Variants in NDUFS8 observed in about 807,000 individuals in gnomAD.
NDUFS8 encodes NADH dehydrogenase [ubiquinone] iron-sulfur protein 8, mitochondrial.
NDUFS8 carries 13 observed loss-of-function variants against 25.6 expected under a neutral mutation model. The observed-to-expected ratio is 0.51, with a 90% CI of 0.33 to 0.81. NDUFS8 has a LOEUF of 0.81. Ranked by LOEUF, NDUFS8 falls within the 30% of genes least tolerant of loss-of-function variation. The pLI is 0.02. For synonymous variants in NDUFS8, 119 were observed against 119.4 expected, an observed-to-expected ratio of 1.00 and a Z score of 0.02; for missense variants, 257 against 300.9, an observed-to-expected ratio of 0.85 and a Z score of 1.08.
At chr11:68,035,655 A>G (rs754166216) in intron 5 of NDUFS8, 1 of 455,220 alleles carries the variant, frequency 2.2e-6, no homozygotes, top group South Asian at 1.6e-5. Context: ...AGCGGGTGCT[A>G]CACTGAACAA....
chr11:68,033,690 C>T (rs888490616), intron 5 of NDUFS8: 72 of 308,146 alleles, frequency 2.3e-4, no homozygotes, highest in Non-Finnish European at 4.1e-4. Context: ...CCCGGCTTTC[C>T]GTTCTCTTAG....
chr11:68,036,636 C>T lies in NDUFS8; in HGVS notation c.*43C>T, dbSNP rs1259188480. 2 of 1,611,578 alleles carry T rather than the reference C, an allele frequency of 1.2e-6. No homozygotes were observed. The highest frequency in any genetic ancestry group is 1.7e-6 in the Non-Finnish European group (2 of 1,179,710). ...GCCCCTGCTGCCCAATAAAACCACT[C>T]CGACCCCACGGCCTCTTGTCTTGAC... On this transcript the variant is annotated 3_prime_UTR_variant, in exon 7 of 7. Transcript: ENST00000313468.
chr11:68,031,712 T>C, intron 1 of NDUFS8: 1 of 316,596 alleles, frequency 3.2e-6, no homozygotes, highest in Non-Finnish European at 6.2e-6. Context: ...GGAGTCCTTG[T>C]AAGGATAGGA....
chr11:68,033,011 A>C lies in NDUFS8; in HGVS notation c.198A>C (p.Arg66=). The C allele has an allele frequency of 1.2e-6, 2 of 1,613,652 alleles. No individual in the cohort carries two copies. Among genetic ancestry groups the C allele is most frequent in the Non-Finnish European group, 1.7e-6 (2 of 1,179,964 alleles). Residue 66 remains arginine (R), a splice_region_variant and synonymous_variant, in exon 4 of 7, where the codon CGA becomes CGC. Transcript: ENST00000313468. The part of the protein sequence containing the change: ...ARTLLWTELF[R]GLGMTLSYLF... ...CCCTGCTGTGGACTGAGCTCTTCCG[A>C]GGTGCGTCCTGGGCATGAGGGGACA... is the stretch of plus-strand genomic sequence containing the variant.
In NDUFS8 at chr11:68,030,898, T is replaced by G. The variant is rs1297639166; in HGVS notation, c.-1+165T>G. 5 of 446,490 alleles carry G rather than the reference T, an allele frequency of 1.1e-5. 1 individual carries two copies. Among genetic ancestry groups the G allele is most frequent in the African/African-American group, 8.1e-5 (4 of 49,150 alleles). The allele number at this position is 446,490 out of a possible 1,614,324, so 27.7% of individuals were successfully genotyped here. The stretch of plus-strand genomic sequence containing the variant: ...TTCAGGTGCAGCGGGGAGCCGGCTC[T>G]CAGGGCGCATGCGCCGCCCGCTCTG... On this transcript the variant is annotated intron_variant, in intron 1 of 6. Coordinates refer to ENST00000313468, the MANE Select transcript of NDUFS8 (RefSeq NM_002496.4).
At position 68,030,722 on chromosome 11, in the gene NDUFS8, C is replaced by A; in HGVS notation, c.-12C>A. 3.0e-6 allele frequency: 1 copy of A among 332,520 alleles called. No individual in the cohort carries two copies. The allele number at this position is 332,520 out of a possible 1,614,324, so 20.6% of individuals were successfully genotyped here. ...GCCTGCTTGGCAAGGCAAGTAGCGG[C>A]GGCGCTTCAAGGTGGGTGTTCACGT... On this transcript the variant is annotated 5_prime_UTR_variant, in exon 1 of 7. Transcript: ENST00000313468.
chr11:68,032,670 C>A, intron 3 of NDUFS8: 2 of 870,926 alleles, frequency 2.3e-6, no homozygotes, highest in South Asian at 1.7e-5. Flanking sequence ...CTCTTTCAAG[C>A]CCTGTTGGGC....
At chr11:68,036,010 T>G (rs1291173266) in intron 5 of NDUFS8, 5 of 444,258 alleles carry the variant, frequency 1.1e-5, no homozygotes, top group Non-Finnish European at 1.6e-5. Flanking sequence ...AGAGCGAGAC[T>G]CTATCTCAAA....
At chr11:68,036,062 A>G (rs1185975953) in intron 5 of NDUFS8, 191 bp from the exon 6 acceptor site, 3 of 656,124 alleles carry the variant, frequency 4.6e-6, no homozygotes, top group Non-Finnish European at 7.4e-6. Context: ...CAGGGACGCC[A>G]GCAGGGCACG....
At chr11:68,033,434 A>C (rs1209859712) in intron 5 of NDUFS8, 151 bp downstream of exon 5, 1 of 918,018 alleles carries the variant, frequency 1.1e-6, no homozygotes, top group South Asian at 1.4e-5. Context: ...GTGAATGGGA[A>C]TGATGAGGGC....
At chr11:68,035,811 A>C (rs1427636751) in intron 5 of NDUFS8, 1 of 432,366 alleles carries the variant, frequency 2.3e-6, no homozygotes, top group Admixed American at 2.6e-5. Flanking sequence ...CAAGGTCAAG[A>C]GATCGAGACC....
intron 5 of NDUFS8, chr11:68,036,017 CAAAAAAAA>C (rs56359843): frequency 1.4e-4 from 52 of 374,224 alleles, no homozygotes; most frequent in African/African-American, 1.2e-3. Context: ...GACTCTATCT[CAAAAAAAA>C]AAAAAAAAAA....
chr11:68,035,602 G>T (rs1361675843), intron 5 of NDUFS8: 2 of 354,920 alleles, frequency 5.6e-6, no homozygotes, highest in South Asian at 3.8e-5. Context: ...AGGCGAGGCG[G>T]GACTGTAACT....
chr11:68,032,648 C>G, intron 3 of NDUFS8: 1 of 952,546 alleles, frequency 1.0e-6, no homozygotes, highest in Non-Finnish European at 1.5e-6. Flanking sequence ...CCCCACCTAC[C>G]CCCCTTGATT....
rs769026952 is a variant in NDUFS8, at chr11:68,032,272, CCTT to C, written c.59-10_59-8del. The C allele has an allele frequency of 5.0e-6, 8 of 1,613,770 alleles. No homozygotes were observed. Among genetic ancestry groups the C allele is most frequent in the Non-Finnish European group, 6.8e-6 (8 of 1,180,000 alleles). On this transcript the variant is annotated splice_polypyrimidine_tract_variant and intron_variant, in intron 2 of 6. Transcript: ENST00000313468. ...CCAGTCTCCTGGTATGACGTCACGC[CCTT>C]CTTTTTGCAGGACCTCCTGGTGGCC...
Position 68,032,294 on chromosome 11 carries a change from G to A in NDUFS8, c.67G>A (p.Gly23Ser). ...LAQAARAGPP[G>S]GRSLHSSAVA... ...CGCCCTTCTTTTTGCAGGACCTCCT[G>A]GTGGCCGGAGCCTCCACAGCAGTGC... The change falls in exon 3 of 7, where the codon GGT (glycine) becomes AGT (serine). Residue 23 changes from glycine (G) to serine (S), a missense_variant. Gly to Ser is a moderately conservative substitution (Grantham distance 56). Coordinates refer to ENST00000313468, the MANE Select transcript of NDUFS8 (RefSeq NM_002496.4). 5.6e-6 allele frequency: 9 copies of A among 1,613,724 alleles called. No individual in the cohort carries two copies. Among genetic ancestry groups the A allele is most frequent in the Non-Finnish European group, 6.8e-6 (8 of 1,179,972 alleles).
intron 3 of NDUFS8, chr11:68,032,580 G>A (rs776752329): frequency 1.7e-5 from 23 of 1,386,194 alleles, no homozygotes; most frequent in Non-Finnish European, 2.2e-5. Context: ...GTTGCCAGGT[G>A]TGAGCCATGG....
Position 68,036,306 on chromosome 11 carries a change from C to T in NDUFS8, c.426C>T (p.Arg142=), listed in dbSNP as rs775662744. ...CTGATGGCAGCCGCCGGACCACCCG[C>T]TATGACATCGACATGACCAAGTGCA... ...PRADGSRRTT[R]YDIDMTKCIY... is the part of the protein sequence containing the mutation. The change falls in exon 6 of 7, where the codon CGC becomes CGT. Residue 142 remains arginine (R), a synonymous_variant. Transcript: ENST00000313468. 3 of 1,613,508 alleles carry T rather than the reference C, an allele frequency of 1.9e-6. No individual in the cohort carries two copies. The highest frequency in any genetic ancestry group is 2.5e-6 in the Non-Finnish European group (3 of 1,179,970).
rs368608577 is a variant in NDUFS8, at chr11:68,036,238, T to C, written c.373-15T>C. 2.5e-6 allele frequency: 4 copies of C among 1,612,072 alleles called. No homozygotes were observed. The African/African-American group carries it at 4.0e-5, about 16-fold the overall frequency. ...GACAGGGCAGCGTGGCAGTGTCTGGTGGCCCCTCCCGCAGGCCATCACCAT... is the reference window on the plus strand; with the variant it reads ...GACAGGGCAGCGTGGCAGTGTCTGGCGGCCCCTCCCGCAGGCCATCACCAT... On this transcript the variant is annotated splice_polypyrimidine_tract_variant and intron_variant, in intron 5 of 6. Transcript: ENST00000313468.
Sources: gnomAD v4.1 joint callset for allele counts on GRCh38, gnomAD v4.1.1 for gene constraint, MANE v1.5 for transcripts, NCBI Gene and HGNC (gene_info 2026-07-23, HGNC 2026-07-21) for gene names.